PHIP: variants seen among roughly 807,000 people sequenced by gnomAD.
The protein encoded by PHIP is PH-interacting protein.
Under a neutral mutation model 236.8 loss-of-function variants are expected in PHIP, and 54 were observed. That is an observed-to-expected ratio of 0.23 (90% CI 0.18 to 0.29). The LOEUF (loss-of-function observed/expected upper bound fraction) is 0.29, where lower values mean the gene tolerates loss of function less well. Among genes scored for constraint, PHIP ranks in the 10% least tolerant of loss-of-function variants. The pLI, the probability that PHIP is intolerant of heterozygous loss-of-function variation, is 1.00. For missense variants in PHIP, 1,370 were observed against 2,190.8 expected (o/e 0.63, Z 7.48); for synonymous variants, 756 against 718.9 (o/e 1.05, Z -0.83).
intron 35 of PHIP, among the ~76,000 whole-genome samples, chr6:78,953,966 G>T (rs535726212): frequency 2.0e-5 from 3 of 152,088 alleles, no homozygotes; most frequent in Non-Finnish European, 4.4e-5. Flanking sequence ...ATGATTGCAC[G>T]CCAAAATAAA....
chr6:78,977,918 G>C (rs1040390776), intron 24 of PHIP, among the ~76,000 whole-genome samples: 2 of 151,820 alleles, frequency 1.3e-5, no homozygotes, highest in African/African-American at 4.8e-5. Context: ...AGTGTGCTTT[G>C]CTAAAGAAGC....
intron 15 of PHIP, among the ~76,000 whole-genome samples, chr6:79,005,356 C>T (rs751354424): frequency 5.9e-5 from 9 of 151,906 alleles, no homozygotes; most frequent in South Asian, 2.1e-4. Context: ...AGGAGCCATA[C>T]AGCTAGGCAT....
chr6:79,007,008 G>C (rs968350473), intron 15 of PHIP, among the ~76,000 whole-genome samples: 5 of 151,924 alleles, frequency 3.3e-5, no homozygotes, highest in Admixed American at 3.3e-4. Flanking sequence ...GAGATGGGAG[G>C]ATCAGATGTG....
In PHIP at chr6:79,019,075, T is replaced by C. The variant is rs1439395220; in HGVS notation, c.994+14A>G. On this transcript the variant is annotated intron_variant, in intron 10 of 39. Transcript: ENST00000275034. ...AACAACTTTAAGTCGAAAATTAGAA[T>C]GAGGGAAACTTACCAGCACTAAAAG... is the stretch of plus-strand genomic sequence containing the variant. 1 of 1,594,256 alleles carries C rather than the reference T, an allele frequency of 6.3e-7. No individual in the cohort carries two copies. Among genetic ancestry groups the C allele is most frequent in the African/African-American group, 1.3e-5 (1 of 74,612 alleles).
chr6:78,958,172 T>C, intron 32 of PHIP: 1 of 198,108 alleles, frequency 5.0e-6, no homozygotes, highest in South Asian at 1.4e-4. Context: ...ATTTTTACTA[T>C]TATTATTGTC....
intron 30 of PHIP, among the ~76,000 whole-genome samples, 191 bp from the exon 31 acceptor site, chr6:78,962,001 C>A (rs1250782377): frequency 6.6e-6 from 1 of 152,104 alleles, no homozygotes; most frequent in Non-Finnish European, 1.5e-5. Flanking sequence ...TTTACACTGC[C>A]AAATTCTAGG....
intron 24 of PHIP, among the ~76,000 whole-genome samples, 157 bp from the exon 25 acceptor site, chr6:78,971,045 C>A (rs962036752): frequency 6.6e-6 from 1 of 152,132 alleles, no homozygotes; most frequent in Non-Finnish European, 1.5e-5. Flanking sequence ...GTTGTCTTAA[C>A]ATCACTAAAT....
intron 7 of PHIP, among the ~76,000 whole-genome samples, chr6:79,033,527 C>T (rs1407633423): frequency 2.6e-5 from 4 of 152,120 alleles, no homozygotes; most frequent in African/African-American, 7.2e-5. Flanking sequence ...CCTTAAACCT[C>T]GTAAGCCAAC....
intron 9 of PHIP, among the ~76,000 whole-genome samples, chr6:79,023,637 C>A (rs1405338720): frequency 2.6e-5 from 4 of 151,402 alleles, no homozygotes; most frequent in African/African-American, 9.7e-5. Flanking sequence ...TATATATATT[C>A]CTAATTATAT....
chr6:79,028,686 G>C (rs1478023270), intron 7 of PHIP, among the ~76,000 whole-genome samples: 2 of 152,102 alleles, frequency 1.3e-5, no homozygotes, highest in Admixed American at 6.5e-5. Context: ...AAGCAATTTT[G>C]GTTCTCACCT....
chr6:79,063,750 C>T (rs1345622566), intron 4 of PHIP, among the ~76,000 whole-genome samples: 1 of 152,072 alleles, frequency 6.6e-6, no homozygotes, highest in Admixed American at 6.6e-5. Flanking sequence ...TTAAAGAAAG[C>T]CTTAGAACAT....
rs1766473272 is a variant in PHIP, at chr6:78,957,152, T to C, written c.3782+1323A>G. The C allele has an allele frequency of 3.3e-5, 5 of 152,168 alleles. No homozygotes were observed. In the South Asian group the frequency reaches 1.0e-3, roughly 32 times the overall value. 9.4% of individuals were successfully genotyped at this position (152,168 alleles called of 1,614,324 possible). On this transcript the variant is annotated intron_variant, in intron 32 of 39. Transcript: ENST00000275034. ...ATCTGACTTCAAAGACATTTCAAAG[T>C]AGCCGTTTGAAAGAAATACATTTCA...
intron 4 of PHIP, among the ~76,000 whole-genome samples, chr6:79,070,598 G>T (rs1319104310): frequency 6.6e-6 from 1 of 152,132 alleles, no homozygotes; most frequent in Non-Finnish European, 1.5e-5. Flanking sequence ...AGACCAAATA[G>T]ACCATGACAC....
chr6:79,017,978 T>G (rs1770915256), intron 10 of PHIP, among the ~76,000 whole-genome samples: 1 of 151,928 alleles, frequency 6.6e-6, no homozygotes, highest in Non-Finnish European at 1.5e-5. Flanking sequence ...ACTCCCTCAG[T>G]AACTTTTCTT....
intron 4 of PHIP, among the ~76,000 whole-genome samples, chr6:79,066,531 A>T (rs551034041): frequency 6.6e-6 from 1 of 152,308 alleles, no homozygotes. Context: ...TGTATATATC[A>T]ATGTGCAAGA....
intron 7 of PHIP, among the ~76,000 whole-genome samples, chr6:79,031,731 C>G (rs779029807): frequency 2.3e-4 from 35 of 152,170 alleles, no homozygotes; most frequent in Non-Finnish European, 4.3e-4. Context: ...TACTTTGTAA[C>G]CACTGTTATT....
rs893706696 is a variant in PHIP, at chr6:78,953,042, G to GT, written c.4053+1771dup. On this transcript the variant is annotated intron_variant, in intron 35 of 39. Coordinates refer to ENST00000275034, the MANE Select transcript of PHIP (RefSeq NM_017934.7). ...TAGATCACTCCCTTATATAGGTGTT[G>GT]TTTTTTTTTTAAATCATTAGTTCAT... Among the ~76,000 whole-genome samples, 220 of 143,924 alleles carry GT rather than the reference G, an allele frequency of 1.5e-3. 1 individual carries two copies. The highest frequency in any genetic ancestry group is 4.7e-3 in the African/African-American group (185 of 39,240). 94.4% of individuals were successfully genotyped at this position (143,924 alleles called of 152,430 possible).
chr6:78,946,436 G>A lies in PHIP; in HGVS notation c.4371-176C>T, dbSNP rs905380759. ...GAAAGTGAATATTTAGTGAAGGATC[G>A]CTGTAAATGCTAAAGTTATATGACG... On this transcript the variant is annotated intron_variant, in intron 37 of 39. Coordinates refer to ENST00000275034, the MANE Select transcript of PHIP (RefSeq NM_017934.7). 21 of 1,398,220 alleles carry A rather than the reference G, an allele frequency of 1.5e-5. No individual in the cohort carries two copies. The Admixed American group carries it at 1.9e-4, about 13-fold the overall frequency. The allele number at this position is 1,398,220 out of a possible 1,614,324, so 86.6% of individuals were successfully genotyped here.
intron 4 of PHIP, among the ~76,000 whole-genome samples, chr6:79,075,376 T>C (rs1193661198): frequency 6.6e-6 from 1 of 152,170 alleles, no homozygotes; most frequent in Non-Finnish European, 1.5e-5. Flanking sequence ...CTCCAAGTTC[T>C]AATAAGATTT....
Sources: gnomAD v4.1 joint callset for allele counts (sites outside exome capture counted in the v4.1 genomes callset) on GRCh38, gnomAD v4.1.1 for gene constraint, MANE v1.5 for transcripts, NCBI Gene and HGNC (gene_info 2026-07-23, HGNC 2026-07-21) for gene names.